MAP3K11: variants seen among roughly 807,000 people sequenced by gnomAD.
MAP3K11 encodes the protein SH3 domain-containing proline-rich kinase.
MAP3K11 carries 46 observed loss-of-function variants against 84.9 expected under a neutral mutation model. The ratio of observed to expected loss-of-function variants is 0.54; its 90% CI spans 0.43 to 0.69. The LOEUF is 0.69. Ranked by LOEUF, MAP3K11 falls within the 30% of genes least tolerant of loss-of-function variation. The pLI, the probability that MAP3K11 is intolerant of heterozygous loss-of-function variation, is 0.00. For synonymous variants in MAP3K11, 527 were observed against 514.7 expected (o/e 1.02, Z -0.32); for missense variants, 1,053 against 1,198.3 (o/e 0.88, Z 1.79).
intron 9 of MAP3K11, 68 bp downstream of exon 9, chr11:65,599,326 A>G (rs1854421651): frequency 1.5e-5 from 22 of 1,462,908 alleles, no homozygotes; most frequent in Middle Eastern, 2.4e-4. Context: ...TGTCCCCACC[A>G]GCCACTCCTC....
chr11:65,605,691 A>G lies in MAP3K11; in HGVS notation c.1831+70T>C, dbSNP rs1021383039. ...GGACTCCTGCTTTGCCTACTAGCCT[A>G]TTGTGGCCTCCCCAAGGTGCCCACG... is the stretch of plus-strand genomic sequence containing the variant. On this transcript the variant is annotated intron_variant, in intron 8 of 9. Transcript: ENST00000309100. 79 of 1,159,442 alleles carry G rather than the reference A, an allele frequency of 6.8e-5. No individual in the cohort carries two copies. In the African/African-American group the frequency reaches 1.1e-3, roughly 16 times the overall value. The allele number at this position is 1,159,442 out of a possible 1,614,324, so 71.8% of individuals were successfully genotyped here. A position where few individuals can be genotyped will look rare whatever the true frequency, so the allele number is the denominator to read the frequency against.
chr11:65,601,026 A>C (rs1380530628), intron 8 of MAP3K11, among the ~76,000 whole-genome samples: 5 of 152,218 alleles, frequency 3.3e-5, no homozygotes, highest in Non-Finnish European at 7.3e-5. Flanking sequence ...CAAACCTGTT[A>C]AAGACAGGTC....
Position 65,605,763 on chromosome 11 carries a change from T to A in MAP3K11, c.1829A>T (p.Asn610Ile). 1 of 1,599,912 alleles carries A rather than the reference T, an allele frequency of 6.3e-7. No homozygotes were observed. Among genetic ancestry groups the A allele is most frequent in the South Asian group, 1.1e-5 (1 of 89,358 alleles). ...GCCGGGGGAGGAAGGCCACTCACCA[T>A]TGAGTGCTGGGGGTGTGGAAGGAGA... The part of the protein sequence containing the change: ...LGSPSTPPAL[N>I]GNPPRPSLEP... The change falls in exon 8 of 10, where the codon AAT becomes ATT. Residue 610 changes from asparagine to isoleucine, a missense_variant and splice_region_variant. By Grantham distance (149) the Asn-to-Ile change is moderately radical. Around this residue, in one of 3 missense-constraint regions of MAP3K11, gnomAD observed 583 missense variants for 566.6 expected, o/e 1.03. Coordinates refer to ENST00000309100, the MANE Select transcript of MAP3K11 (RefSeq NM_002419.4).
chr11:65,607,432 G>T lies in MAP3K11; in HGVS notation c.1327C>A (p.His443Asn). 6.7e-7 allele frequency: 1 copy of T among 1,497,970 alleles called. No homozygotes were observed. The allele number at this position is 1,497,970 out of a possible 1,614,324, so 92.8% of individuals were successfully genotyped here. A position where few individuals can be genotyped will look rare whatever the true frequency, so the allele number is the denominator to read the frequency against. ...SQAEQLRRREHLLAQWELEVF... is the reference protein window; with the variant it reads ...SQAEQLRRRENLLAQWELEVF... ...TCTAGCTCCCACTGGGCCAGCAGGTGCTCGCGCCGCCGCAGCTGCTCCGCC... is the reference window on the plus strand; with the variant it reads ...TCTAGCTCCCACTGGGCCAGCAGGTTCTCGCGCCGCCGCAGCTGCTCCGCC... The change falls in exon 5 of 10, where the codon CAC (histidine) becomes AAC (asparagine). Residue 443 changes from histidine (H) to asparagine (N), a missense_variant. Around this residue, in one of 3 missense-constraint regions of MAP3K11, gnomAD observed 310 missense variants for 464.5 expected, o/e 0.67. Transcript: ENST00000309100.
rs147829902 is a variant in MAP3K11 at position 65,598,565 on chromosome 11, C to T, written c.2270G>A (p.Arg757His). 21 of 1,601,820 alleles carry T rather than the reference C, an allele frequency of 1.3e-5. No individual in the cohort carries two copies. The highest frequency in any genetic ancestry group is 1.5e-5 in the Non-Finnish European group (18 of 1,173,742). Reference sequence around the variant, plus strand: ...GCTGATGAGGCCCAGGGGTGGTGAACGTGGGGTGCCTGGGGTGCCAGGAGC... The same window carrying T: ...GCTGATGAGGCCCAGGGGTGGTGAATGTGGGGTGCCTGGGGTGCCAGGAGC... ...RSAPGTPGTP[R>H]SPPLGLISRP... The change falls in exon 10 of 10, where the codon CGT (arginine) becomes CAT (histidine). Residue 757 changes from arginine to histidine, a missense_variant. Arg to His is a conservative substitution (Grantham distance 29, BLOSUM62 0). Transcript: ENST00000309100.
chr11:65,606,037 G>A lies in MAP3K11; in HGVS notation c.1648C>T (p.Arg550Ter), dbSNP rs376244842. Residue 550 changes from arginine (R) to a stop codon, truncating the protein, a stop_gained, in exon 7 of 10, where the codon CGA (arginine) becomes TGA (stop). Coordinates refer to ENST00000309100, the MANE Select transcript of MAP3K11 (RefSeq NM_002419.4). LOFTEE classifies it high-confidence loss of function. ...CCATTGCTTGAGTCCTCCAGACGTC[G>A]GGGGGACTGGCGGCCCCATGCCTGG... ...PGQAWGRQSP[R>*]RLEDSSNGER... The A allele has an allele frequency of 2.5e-6, 4 of 1,588,900 alleles. No homozygotes were observed. Among genetic ancestry groups the A allele is most frequent in the African/African-American group, 2.7e-5 (2 of 73,372 alleles).
chr11:65,599,745 C>T lies in MAP3K11; in HGVS notation c.1855G>A (p.Glu619Lys). 6.3e-7 allele frequency: 1 copy of T among 1,592,476 alleles called. No individual in the cohort carries two copies. Among genetic ancestry groups the T allele is most frequent in the African/African-American group, 1.3e-5 (1 of 74,856 alleles). The change falls in exon 9 of 10, where the codon GAG becomes AAG. Residue 619 changes from glutamate (E) to lysine (K), a missense_variant. By Grantham distance (56) the Glu-to-Lys change is moderately conservative. Transcript: ENST00000309100. ...LNGNPPRPSL[E>K]PEEPKRPVPA... is the part of the protein sequence containing the mutation. ...ACAGGCCTCTTGGGCTCCTCGGGCT[C>T]CAGGCTAGGCCGCGGGGGGTTACCT...
At chr11:65,599,219 G>A (rs1196548238) in intron 9 of MAP3K11, among the ~76,000 whole-genome samples, 175 bp downstream of exon 9, 1 of 152,126 alleles carries the variant, frequency 6.6e-6, no homozygotes, top group Non-Finnish European at 1.5e-5. Flanking sequence ...CCTGATAGCT[G>A]AACTTAGAAC....
In MAP3K11 at chr11:65,605,912, T is replaced by G. The variant is rs202150507; in HGVS notation, c.1739+34A>C. On this transcript the variant is annotated intron_variant, in intron 7 of 9. Coordinates refer to ENST00000309100, the MANE Select transcript of MAP3K11 (RefSeq NM_002419.4). ...AATTTCAGGACTTGGGGAAAGCAAA[T>G]GATGCTGGGTCTGGGGGGCACTCAG... 571 of 1,610,086 alleles carry G rather than the reference T, an allele frequency of 3.5e-4. 3 individuals carry two copies. The Middle Eastern group carries it at 8.8e-3, about 25-fold the overall frequency.
chr11:65,608,116 C>A, intron 2 of MAP3K11, 46 bp from the exon 3 acceptor site: 1 of 1,603,672 alleles, frequency 6.2e-7, no homozygotes, highest in African/African-American at 1.3e-5. Context: ...TCTCCCAACC[C>A]CCACCCCCTT....
chr11:65,607,167 C>T, intron 5 of MAP3K11, 103 bp downstream of exon 5: 1 of 1,364,614 alleles, frequency 7.3e-7, no homozygotes, highest in Admixed American at 3.7e-5. Flanking sequence ...ACGGGCCCAC[C>T]CACAACACCC....
rs907774910 is a variant in MAP3K11 at position 65,607,912 on chromosome 11, G to C, written c.1069+10C>G. The C allele has an allele frequency of 6.2e-7, 1 of 1,612,878 alleles. No homozygotes were observed. The highest frequency in any genetic ancestry group is 1.7e-4 in the Middle Eastern group (1 of 6,058). ...GCTCTGTACCTCACCTGCCCTCCCC[G>C]TCCTCTTACCGGCCATAAGCTGTGC... is the stretch of plus-strand genomic sequence containing the variant. On this transcript the variant is annotated intron_variant, in intron 3 of 9. Coordinates refer to ENST00000309100, the MANE Select transcript of MAP3K11 (RefSeq NM_002419.4).
At chr11:65,608,741 C>T in intron 1 of MAP3K11, 1 of 322,618 alleles carries the variant, frequency 3.1e-6, no homozygotes, top group South Asian at 3.8e-5. Flanking sequence ...CCCCAGCCTC[C>T]CGAGTAGTGG....
Position 65,606,084 on chromosome 11 carries a change from G to A in MAP3K11, c.1604-3C>T, listed in dbSNP as rs746566431. On this transcript the variant is annotated splice_region_variant and splice_polypyrimidine_tract_variant and intron_variant, in intron 6 of 9. Coordinates refer to ENST00000309100, the MANE Select transcript of MAP3K11 (RefSeq NM_002419.4). ...CTGGCCTGGCTCTGCAGGCTCCACTGCAGGGGAAACCGATGAAATCGGAGA... is the reference window on the plus strand; with the variant it reads ...CTGGCCTGGCTCTGCAGGCTCCACTACAGGGGAAACCGATGAAATCGGAGA... The A allele has an allele frequency of 6.4e-7, 1 of 1,565,896 alleles. No individual in the cohort carries two copies. Among genetic ancestry groups the A allele is most frequent in the East Asian group, 2.3e-5 (1 of 43,962 alleles).
intron 8 of MAP3K11, among the ~76,000 whole-genome samples, chr11:65,601,484 C>G (rs117592462): frequency 6.6e-6 from 1 of 152,120 alleles, no homozygotes; most frequent in South Asian, 2.1e-4. Flanking sequence ...GGGCCAGGCG[C>G]GGTGGCTCAC....
intron 8 of MAP3K11, among the ~76,000 whole-genome samples, chr11:65,602,036 T>C (rs1854461684): frequency 1.3e-5 from 2 of 151,342 alleles, no homozygotes; most frequent in Non-Finnish European, 2.9e-5. Context: ...ACCCTGTCTC[T>C]ACTAAAAAAT....
Position 65,613,697 on chromosome 11 carries a change from G to A in MAP3K11, c.60C>T (p.Gly20=), listed in dbSNP as rs778534983. Residue 20 remains glycine, a synonymous_variant, in exon 1 of 10, where the codon GGC becomes GGT. Transcript: ENST00000309100. ...KSPLGSWNGS[G]SGGGGGGGGG... ...CTCCACCGCCCCCACCACCCCCGCT[G>A]CCACTGCCATTCCATGACCCTAGAG... 2 of 1,606,748 alleles carry A rather than the reference G, an allele frequency of 1.2e-6. No homozygotes were observed. The highest frequency in any genetic ancestry group is 1.7e-6 in the Non-Finnish European group (2 of 1,177,106).
chr11:65,605,702 C>T, intron 8 of MAP3K11, 59 bp downstream of exon 8: 1 of 1,357,638 alleles, frequency 7.4e-7, no homozygotes. Flanking sequence ...TTGTGGCCTC[C>T]CCAAGGTGCC....
chr11:65,607,146 G>T (rs1464524763), intron 5 of MAP3K11, 124 bp downstream of exon 5: 1 of 1,274,190 alleles, frequency 7.8e-7, no homozygotes, highest in Non-Finnish European at 1.0e-6. Flanking sequence ...ACCCCTCCCA[G>T]CCTTCATCTC....
Sources: allele counts gnomAD v4.1 joint callset (sites outside exome capture counted in the v4.1 genomes callset), GRCh38; gene constraint gnomAD v4.1.1; regional missense constraint gnomAD v4.1.1; transcripts MANE v1.5; gene names NCBI Gene and HGNC (gene_info 2026-07-23, HGNC 2026-07-21).